The following TAS1R2 variants were observed in gnomAD, a reference collection of about 807,000 sequenced individuals.
TAS1R2 encodes taste 1 receptor member 2.
In TAS1R2, 47 loss-of-function variants were observed where a neutral mutation model predicts 49.3. The ratio of observed to expected loss-of-function variants is 0.95; its 90% CI spans 0.75 to 1.22. The LOEUF (loss-of-function observed/expected upper bound fraction) is 1.22, where lower values mean the gene tolerates loss of function less well. TAS1R2 is among the 50% of genes most tolerant of loss of function. The pLI is 0.00. For missense variants in TAS1R2, 1,155 were observed against 1,122.1 expected (o/e 1.03, Z -0.42); for synonymous variants, 479 against 467.9 (o/e 1.02, Z -0.31).
chr1:18,857,700 G>A, intron 1 of TAS1R2, 69 bp from the exon 2 acceptor site: 1 of 1,517,212 alleles, frequency 6.6e-7, no homozygotes. Context: ...AAGAGAACCA[G>A]CCCACTCCTC....
intron 2 of TAS1R2, among the ~76,000 whole-genome samples, chr1:18,855,969 C>T (rs1472702934): frequency 6.6e-6 from 1 of 152,224 alleles, no homozygotes; most frequent in Non-Finnish European, 1.5e-5. Context: ...CCGGCCTGCA[C>T]TGCAACATTA....
At chr1:18,846,236 C>A (rs1286064604) in intron 4 of TAS1R2, among the ~76,000 whole-genome samples, 3 of 152,250 alleles carry the variant, frequency 2.0e-5, no homozygotes, top group African/African-American at 4.8e-5. Flanking sequence ...GAAGCTAACA[C>A]CCCACAGAGC....
intron 2 of TAS1R2, among the ~76,000 whole-genome samples, chr1:18,855,446 A>G (rs985090399): frequency 6.6e-6 from 1 of 152,042 alleles, no homozygotes; most frequent in Non-Finnish European, 1.5e-5. Context: ...CCAGGGCTCC[A>G]TGGTTTCCTT....
At chr1:18,850,683 AG>A (rs1934005458) in intron 3 of TAS1R2, among the ~76,000 whole-genome samples, 1 of 152,256 alleles carries the variant, frequency 6.6e-6, no homozygotes, top group Non-Finnish European at 1.5e-5. Flanking sequence ...ATCACCCCCA[AG>A]GGGTCGGAAA....
intron 3 of TAS1R2, among the ~76,000 whole-genome samples, chr1:18,852,065 C>A (rs1038707901): frequency 6.6e-6 from 1 of 152,238 alleles, no homozygotes; most frequent in African/African-American, 2.4e-5. Context: ...CGAAGCCAGA[C>A]CAGTGCTAGC....
At chr1:18,848,524 G>A (rs1933963044) in intron 4 of TAS1R2, among the ~76,000 whole-genome samples, 1 of 150,854 alleles carries the variant, frequency 6.6e-6, no homozygotes, top group Non-Finnish European at 1.5e-5. Flanking sequence ...CTAATCCCCG[G>A]GACACAGACC....
chr1:18,844,118 GGGATAC>G, intron 4 of TAS1R2, among the ~76,000 whole-genome samples: 1 of 152,292 alleles, frequency 6.6e-6, no homozygotes, highest in Admixed American at 6.5e-5. Flanking sequence ...GCTTTTTTCA[GGGATAC>G]AAAGCTTTTT....
At position 18,857,634 on chromosome 1, in the gene TAS1R2, G is replaced by A. The variant is rs1934163350; in HGVS notation, c.183-3C>T. ...AGCCTATCACCTTCACTTCATACCTGGAGGGGCCACAGCATCATGAGGTGG... is the reference window on the plus strand; with the variant it reads ...AGCCTATCACCTTCACTTCATACCTAGAGGGGCCACAGCATCATGAGGTGG... On this transcript the variant is annotated splice_region_variant and splice_polypyrimidine_tract_variant and intron_variant, in intron 1 of 5. Coordinates refer to ENST00000375371, the Ensembl canonical transcript of TAS1R2. The A allele has an allele frequency of 1.4e-5, 23 of 1,609,478 alleles. No homozygotes were observed. Among genetic ancestry groups the A allele is most frequent in the Non-Finnish European group, 2.0e-5 (23 of 1,177,490 alleles).
rs144454001 is a variant in TAS1R2, at chr1:18,859,598, C to T, written c.63G>A (p.Pro21=). 915 of 1,614,198 alleles carry T rather than the reference C, an allele frequency of 5.7e-4. 3 individuals are homozygous for T. The African/African-American group carries it at 9.8e-3, about 17-fold the overall frequency. Residue 21 remains proline, a synonymous_variant, in exon 1 of 6, where the codon CCG becomes CCA. Transcript: ENST00000375371. ...GCAGGTAGAAGTCCGAGTTCTCAGC[C>T]GGCTCAGCCAGGACCCATAGGAGGA...
At chr1:18,852,032 C>T (rs1450204000) in intron 3 of TAS1R2, among the ~76,000 whole-genome samples, 1 of 152,224 alleles carries the variant, frequency 6.6e-6, no homozygotes, top group African/African-American at 2.4e-5. Flanking sequence ...ATTCATTCAT[C>T]CAATATTCAC....
chr1:18,859,003 G>T (rs72651849), intron 1 of TAS1R2, among the ~76,000 whole-genome samples: 1 of 152,086 alleles, frequency 6.6e-6, no homozygotes, highest in Non-Finnish European at 1.5e-5. Flanking sequence ...GCCACCCCAA[G>T]GGGCTCAGGG....
chr1:18,849,510 T>C (rs769112963), exon 4 of TAS1R2: 51 of 1,614,058 alleles, frequency 3.2e-5, no homozygotes, highest in Non-Finnish European at 4.0e-5. Flanking sequence ...GATTTGGTGG[T>C]CCAGGAGAGT....
At chr1:18,850,365 C>G (rs1439883872) in intron 3 of TAS1R2, among the ~76,000 whole-genome samples, 2 of 152,232 alleles carry the variant, frequency 1.3e-5, no homozygotes, top group East Asian at 1.9e-4. Flanking sequence ...ATCTTTAGGG[C>G]TCACCTGGCC....
chr1:18,855,671 A>T (rs544339173), intron 2 of TAS1R2, among the ~76,000 whole-genome samples: 1 of 152,192 alleles, frequency 6.6e-6, no homozygotes, highest in African/African-American at 2.4e-5. Flanking sequence ...TCTCTCCTGA[A>T]CTTCAGATGC....
At position 18,857,632 on chromosome 1, in the gene TAS1R2, C is replaced by A. The variant is rs1934163315; in HGVS notation, c.183-1G>T. 1.9e-6 allele frequency: 3 copies of A among 1,609,832 alleles called. No individual in the cohort carries two copies. The highest frequency in any genetic ancestry group is 2.5e-6 in the Non-Finnish European group (3 of 1,177,698). ...GTAGCCTATCACCTTCACTTCATAC[C>A]TGGAGGGGCCACAGCATCATGAGGT... is the stretch of plus-strand genomic sequence containing the variant. On this transcript the variant is annotated splice_acceptor_variant, in intron 1 of 5. Coordinates refer to ENST00000375371, the Ensembl canonical transcript of TAS1R2. LOFTEE classifies it high-confidence loss of function.
chr1:18,857,491 A>G lies in TAS1R2; in HGVS notation c.323T>C (p.Val108Ala), dbSNP rs1569681514. The G allele has an allele frequency of 1.4e-5, 22 of 1,614,102 alleles. No homozygotes were observed. In the East Asian group the frequency reaches 4.9e-4, roughly 36 times the overall value. Residue 108 changes from valine (V) to alanine (A), a missense_variant, in exon 2 of 6, where the codon GTC (valine) becomes GCC (alanine). Physicochemically the swap from Val to Ala is moderately conservative, Grantham distance 64 (BLOSUM62 0). Coordinates refer to ENST00000375371, the Ensembl canonical transcript of TAS1R2. ...TGCCAGGAAGTAGAGCACCGGCTGGACATTGTTGGAGATGTAGCACACATC... is the reference window on the plus strand; with the variant it reads ...TGCCAGGAAGTAGAGCACCGGCTGGGCATTGTTGGAGATGTAGCACACATC...
chr1:18,846,639 A>G (rs892583368), intron 4 of TAS1R2, among the ~76,000 whole-genome samples: 1 of 152,220 alleles, frequency 6.6e-6, no homozygotes, highest in African/African-American at 2.4e-5. Context: ...ACATAGTCAT[A>G]TAATTAGTTA....
exon 2 of TAS1R2, chr1:18,857,460 C>T (rs1295062434): frequency 1.2e-6 from 2 of 1,614,170 alleles, no homozygotes; most frequent in African/African-American, 2.7e-5. Flanking sequence ...GGAGGTTGTC[C>T]TCGTGTGCCA....
intron 4 of TAS1R2, among the ~76,000 whole-genome samples, chr1:18,846,602 C>G (rs1933924789): frequency 6.6e-6 from 1 of 152,226 alleles, no homozygotes; most frequent in South Asian, 2.1e-4. Context: ...AATGTGACCT[C>G]ATTAAGAAAT....
Sources: allele counts gnomAD v4.1 joint callset (sites outside exome capture counted in the v4.1 genomes callset), GRCh38; gene constraint gnomAD v4.1.1; transcripts MANE v1.5; gene names NCBI Gene and HGNC (gene_info 2026-07-23, HGNC 2026-07-21).